WNT2: variants seen among roughly 807,000 people sequenced by gnomAD.
The protein encoded by WNT2 is protein Wnt-2.
In WNT2, 12 loss-of-function variants were observed where a neutral mutation model predicts 36.9. The ratio of observed to expected loss-of-function variants is 0.33; its 90% CI spans 0.21 to 0.53. The LOEUF (loss-of-function observed/expected upper bound fraction) is 0.53. Ranked by LOEUF, WNT2 falls within the 20% of genes least tolerant of loss-of-function variation. The pLI, the probability that WNT2 is intolerant of heterozygous loss-of-function variation, is 0.95. For synonymous variants in WNT2, 163 were observed against 174.6 expected, an observed-to-expected ratio of 0.93 and a Z score of 0.52; for missense variants, 379 against 473.1, an observed-to-expected ratio of 0.80 and a Z score of 1.84.
rs144898264 is a variant in WNT2, at chr7:117,322,536, T to TACACACACACACACACACACACACACAC, written c.83+343_83+370dup. 1.6e-5 allele frequency among the ~76,000 whole-genome samples: 2 copies of TACACACACACACACACACACACACACAC among 127,906 alleles called. No homozygotes were observed. The highest frequency in any genetic ancestry group is 6.2e-5 in the African/African-American group (2 of 32,104). The allele number at this position is 127,906 out of a possible 152,430, so 83.9% of individuals were successfully genotyped here. On this transcript the variant is annotated intron_variant, in intron 1 of 4. Transcript: ENST00000265441. The surrounding 1 kb of genome is among the most constrained non-coding windows in gnomAD (Gnocchi z 5.4). ...GCGGTTGTAGTTTTCAAGGTGAATT[T>TACACACACACACACACACACACACACAC]ACACACACACACACACACACACACA... is the stretch of plus-strand genomic sequence containing the variant.
chr7:117,303,298 A>G (rs1794943084), intron 3 of WNT2, among the ~76,000 whole-genome samples: 1 of 152,190 alleles, frequency 6.6e-6, no homozygotes, highest in Non-Finnish European at 1.5e-5. Flanking sequence ...TTACATTTCT[A>G]AGAACGGGGA....
intron 3 of WNT2, among the ~76,000 whole-genome samples, chr7:117,307,072 T>C (rs1352779087): frequency 6.6e-6 from 1 of 152,170 alleles, no homozygotes; most frequent in Non-Finnish European, 1.5e-5. Context: ...TGTTCTTTTT[T>C]TCTTTTAAAC....
At chr7:117,319,278 T>C (rs778244997) in intron 2 of WNT2, among the ~76,000 whole-genome samples, 1 of 152,218 alleles carries the variant, frequency 6.6e-6, no homozygotes, top group Non-Finnish European at 1.5e-5. Flanking sequence ...CGATGTCATA[T>C]TGAAACTCCA....
intron 2 of WNT2, among the ~76,000 whole-genome samples, chr7:117,315,708 C>T (rs764465786): frequency 2.0e-4 from 31 of 152,214 alleles, no homozygotes; most frequent in Non-Finnish European, 4.3e-4. Context: ...CATAGCATCT[C>T]TAGGCCTTTT....
At chr7:117,305,206 A>G (rs185203249) in intron 3 of WNT2, among the ~76,000 whole-genome samples, 20 of 152,156 alleles carry the variant, frequency 1.3e-4, no homozygotes, top group Admixed American at 1.3e-3. Flanking sequence ...CCATTTGTCC[A>G]TTTTTCAGTT....
intron 4 of WNT2, among the ~76,000 whole-genome samples, chr7:117,286,992 T>C (rs1379839866): frequency 6.6e-6 from 1 of 152,220 alleles, no homozygotes. Flanking sequence ...AACCAGGGTA[T>C]CTCTTCACTG....
intron 4 of WNT2, among the ~76,000 whole-genome samples, chr7:117,283,822 A>G (rs1240336183): frequency 2.0e-5 from 3 of 152,228 alleles, no homozygotes; most frequent in African/African-American, 7.2e-5. Flanking sequence ...CAATCTGAAC[A>G]TGCCACTCTC....
At chr7:117,317,904 A>G (rs1182977847) in intron 2 of WNT2, among the ~76,000 whole-genome samples, 1 of 152,184 alleles carries the variant, frequency 6.6e-6, no homozygotes, top group Non-Finnish European at 1.5e-5. Flanking sequence ...AAATATTTAT[A>G]AGGATGAGAA....
At chr7:117,285,347 A>T (rs1563198295) in intron 4 of WNT2, among the ~76,000 whole-genome samples, 1 of 152,212 alleles carries the variant, frequency 6.6e-6, no homozygotes, top group South Asian at 2.1e-4. Flanking sequence ...TGTGCCCTCA[A>T]GGTGGTTTTA....
chr7:117,288,165 A>AT (rs1311780374), intron 4 of WNT2, among the ~76,000 whole-genome samples: 1 of 152,206 alleles, frequency 6.6e-6, no homozygotes, highest in Non-Finnish European at 1.5e-5. Context: ...AACGTGGCAC[A>AT]TTTTTAAATG....
rs185131771 is a variant in WNT2, at chr7:117,275,768, C to T, written c.*2387G>A. On this transcript the variant is annotated 3_prime_UTR_variant, in exon 5 of 5. Coordinates refer to ENST00000265441, the MANE Select transcript of WNT2 (RefSeq NM_003391.3). ...CATTTCCTCTTTCAGAAGTAAAAGC[C>T]GATAGCAATATTTCATTCTCTTATT... Among the ~76,000 whole-genome samples the T allele has an allele frequency of 6.6e-6, 1 of 152,240 alleles. No homozygotes were observed. Among genetic ancestry groups the T allele is most frequent in the East Asian group, 1.9e-4 (1 of 5,178 alleles).
In WNT2 at chr7:117,320,679, G is replaced by A; in HGVS notation, c.198C>T (p.Ser66=). 6 of 1,613,942 alleles carry A rather than the reference G, an allele frequency of 3.7e-6. No homozygotes were observed. The highest frequency in any genetic ancestry group is 5.1e-6 in the Non-Finnish European group (6 of 1,179,946). The change falls in exon 2 of 5, where the codon AGC becomes AGT. Residue 66 remains serine, a synonymous_variant. Transcript: ENST00000265441. ...HRHPDVMRAI[S]QGVAEWTAEC... is the part of the protein sequence containing the mutation. ...CTGCTGTCCACTCGGCCACGCCCTGGCTAATGGCACGCATCACATCTGGAT... is the reference window on the plus strand; with the variant it reads ...CTGCTGTCCACTCGGCCACGCCCTGACTAATGGCACGCATCACATCTGGAT...
rs535880520 is a variant in WNT2, at chr7:117,278,009, C to T, written c.*146G>A. 5.9e-5 allele frequency: 53 copies of T among 896,034 alleles called. No homozygotes were observed. In the Admixed American group the frequency reaches 9.6e-4, roughly 16 times the overall value. The allele number at this position is 896,034 out of a possible 1,614,324, so 55.5% of individuals were successfully genotyped here. On this transcript the variant is annotated 3_prime_UTR_variant, in exon 5 of 5. Coordinates refer to ENST00000265441, the MANE Select transcript of WNT2 (RefSeq NM_003391.3). ...CGTGTGGCCCCCCCATCCTGGGGCC[C>T]CCAGGGAGGAAGAGGGGGCTTCCGT...
At chr7:117,292,345 G>A (rs1168683544) in intron 4 of WNT2, among the ~76,000 whole-genome samples, 1 of 151,998 alleles carries the variant, frequency 6.6e-6, no homozygotes, top group Non-Finnish European at 1.5e-5. Flanking sequence ...CAGTGAGAAA[G>A]GTATGGGTTT....
At chr7:117,305,932 G>A (rs922107771) in intron 3 of WNT2, among the ~76,000 whole-genome samples, 3 of 152,180 alleles carry the variant, frequency 2.0e-5, no homozygotes, top group Admixed American at 6.5e-5. Context: ...GAAGGGAGGG[G>A]TTGGGGTTCC....
At chr7:117,293,838 C>A (rs538757496) in intron 4 of WNT2, among the ~76,000 whole-genome samples, 35 of 152,202 alleles carry the variant, frequency 2.3e-4, no homozygotes, top group African/African-American at 7.7e-4. Context: ...TGACCCAACA[C>A]CTTCATTTTG....
chr7:117,314,168 T>A (rs1239445018), intron 3 of WNT2, among the ~76,000 whole-genome samples: 1 of 152,228 alleles, frequency 6.6e-6, no homozygotes, highest in Non-Finnish European at 1.5e-5. Context: ...CTAGAATAGT[T>A]CTGAACAAAT....
chr7:117,299,847 A>T (rs116438765), intron 3 of WNT2, among the ~76,000 whole-genome samples: 204 of 152,268 alleles, frequency 1.3e-3, no homozygotes, highest in African/African-American at 4.7e-3. Flanking sequence ...TTCAAAACTG[A>T]TATTTTTATA....
chr7:117,299,494 C>CTTTTTTTT (rs113776491), intron 3 of WNT2, among the ~76,000 whole-genome samples: 7 of 138,858 alleles, frequency 5.0e-5, no homozygotes, highest in African/African-American at 5.3e-5. Flanking sequence ...TTCTTTCTTT[C>CTTTTTTTT]TTTTTTTTTT....
Sources: allele counts gnomAD v4.1 joint callset (sites outside exome capture counted in the v4.1 genomes callset), GRCh38; gene constraint gnomAD v4.1.1; non-coding constraint Gnocchi (gnomAD v3.1); transcripts MANE v1.5; gene names NCBI Gene and HGNC (gene_info 2026-07-23, HGNC 2026-07-21).